Variants in LEKR1 observed in about 807,000 individuals in gnomAD.
LEKR1 encodes protein LEKR1.
LEKR1 carries 59 observed loss-of-function variants against 72.4 expected under a neutral mutation model. That is an observed-to-expected ratio of 0.82 (90% confidence interval 0.66 to 1.01). The LOEUF is 1.01. LEKR1 is among the 50% of genes least tolerant of loss of function. LEKR1 has a pLI of 0.00. For synonymous variants in LEKR1, 257 were observed against 263.2 expected (o/e 0.98, Z 0.23); for missense variants, 728 against 759.2 (o/e 0.96, Z 0.48).
intron 6 of LEKR1, among the ~76,000 whole-genome samples, chr3:156,955,812 TG>T (rs770106702): frequency 8.9e-4 from 129 of 145,648 alleles, no homozygotes; most frequent in Non-Finnish European, 1.4e-3. Context: ...GTTTTCTTTT[TG>T]TTGTTGTTGT....
chr3:156,889,231 T>A (rs1253738005), intron 3 of LEKR1, among the ~76,000 whole-genome samples: 1 of 152,030 alleles, frequency 6.6e-6, no homozygotes, highest in African/African-American at 2.4e-5. Flanking sequence ...CTTTCTAGGG[T>A]TGATAGCAAG....
At chr3:157,043,313 A>G (rs1735503280) in intron 12 of LEKR1, among the ~76,000 whole-genome samples, 1 of 152,218 alleles carries the variant, frequency 6.6e-6, no homozygotes, top group South Asian at 2.1e-4. Context: ...CACCACTTTA[A>G]TAACTCCAAC....
intron 3 of LEKR1, among the ~76,000 whole-genome samples, chr3:156,894,602 AG>A (rs1433880163): frequency 1.3e-5 from 2 of 152,220 alleles, no homozygotes; most frequent in Admixed American, 6.5e-5. Context: ...CTAAGCAAGA[AG>A]AGTAAAGCCA....
intron 6 of LEKR1, among the ~76,000 whole-genome samples, chr3:156,964,471 T>C (rs1576908979): frequency 1.3e-5 from 2 of 152,174 alleles, no homozygotes; most frequent in African/African-American, 4.8e-5. Flanking sequence ...ATTCCTTTAG[T>C]CTTAAAACTG....
chr3:157,013,295 G>A (rs1200179444), intron 10 of LEKR1, among the ~76,000 whole-genome samples: 2 of 152,022 alleles, frequency 1.3e-5, no homozygotes, highest in Non-Finnish European at 2.9e-5. Flanking sequence ...CACCCCACTA[G>A]GGGTTTTCAG....
At chr3:157,005,265 A>G (rs1165931785) in intron 9 of LEKR1, among the ~76,000 whole-genome samples, 2 of 152,138 alleles carry the variant, frequency 1.3e-5, no homozygotes, top group African/African-American at 4.8e-5. Context: ...GAAGAAATGG[A>G]TAACATGAAT....
chr3:156,886,370 T>C (rs9812895), intron 3 of LEKR1, among the ~76,000 whole-genome samples: 77,143 of 151,908 alleles, frequency 0.51, 21,270 homozygotes, highest in East Asian at 0.73. Flanking sequence ...TTTCAAACCT[T>C]GCCCCTCCCC....
intron 3 of LEKR1, among the ~76,000 whole-genome samples, chr3:156,914,195 T>A (rs7622309): frequency 6.6e-6 from 1 of 151,970 alleles, no homozygotes; most frequent in Non-Finnish European, 1.5e-5. Flanking sequence ...TTAAGTTCTG[T>A]GATACATGTG....
chr3:157,005,843 T>A (rs1732381896), intron 9 of LEKR1, among the ~76,000 whole-genome samples: 1 of 152,108 alleles, frequency 6.6e-6, no homozygotes, highest in African/African-American at 2.4e-5. Context: ...CTCAGTTACA[T>A]GAACATAAAC....
chr3:156,960,340 C>A (rs1728005823), intron 6 of LEKR1, among the ~76,000 whole-genome samples: 1 of 152,152 alleles, frequency 6.6e-6, no homozygotes, highest in Admixed American at 6.5e-5. Flanking sequence ...GACTGGAGTG[C>A]AGTGGCGCGA....
At chr3:157,001,744 G>A (rs989977795) in intron 9 of LEKR1, among the ~76,000 whole-genome samples, 1 of 152,166 alleles carries the variant, frequency 6.6e-6, no homozygotes, top group Non-Finnish European at 1.5e-5. Context: ...GCTTGAGTTA[G>A]CTTTGTCACT....
rs769453400 is a variant in LEKR1, at chr3:157,045,759, G to A, written c.*9G>A. 3 of 1,604,092 alleles carry A rather than the reference G, an allele frequency of 1.9e-6. No individual in the cohort carries two copies. The East Asian group carries it at 6.7e-5, about 36-fold the overall frequency. On this transcript the variant is annotated 3_prime_UTR_variant, in exon 13 of 13. Coordinates refer to ENST00000356539, the MANE Select transcript of LEKR1 (RefSeq NM_001004316.3). ...GGCGGAGTCAGCAATGATCCAAAAT[G>A]AGGAGCAGGAAGCTCCCTACAGCGT...
intron 3 of LEKR1, among the ~76,000 whole-genome samples, chr3:156,872,576 T>C (rs755811070): frequency 7.9e-5 from 12 of 152,102 alleles, no homozygotes; most frequent in Non-Finnish European, 4.4e-5. Flanking sequence ...TATAGGTGTT[T>C]ATTGCTAAAA....
intron 10 of LEKR1, among the ~76,000 whole-genome samples, chr3:157,012,249 C>G (rs1732948552): frequency 6.6e-6 from 1 of 152,088 alleles, no homozygotes; most frequent in East Asian, 1.9e-4. Flanking sequence ...CCAAAGCATT[C>G]CCAACTCATT....
At chr3:156,954,665 G>C (rs1727458808) in intron 6 of LEKR1, among the ~76,000 whole-genome samples, 1 of 152,056 alleles carries the variant, frequency 6.6e-6, no homozygotes, top group Admixed American at 6.6e-5. Flanking sequence ...ATCAGAGGTT[G>C]TAGGTGTGCT....
intron 11 of LEKR1, among the ~76,000 whole-genome samples, chr3:157,026,236 C>G (rs577958282): frequency 6.6e-6 from 1 of 152,202 alleles, no homozygotes; most frequent in Admixed American, 6.5e-5. Context: ...CCGAGTCTCC[C>G]CCTTTCTTCT....
At chr3:156,926,271 A>G (rs1294776916) in intron 4 of LEKR1, among the ~76,000 whole-genome samples, 1 of 152,024 alleles carries the variant, frequency 6.6e-6, no homozygotes, top group African/African-American at 2.4e-5. Context: ...AAGACAATTT[A>G]ATCACTTTCC....
At chr3:156,877,054 G>A (rs1280710627) in intron 3 of LEKR1, among the ~76,000 whole-genome samples, 1 of 152,106 alleles carries the variant, frequency 6.6e-6, no homozygotes, top group Non-Finnish European at 1.5e-5. Context: ...TTTGTCAAAT[G>A]TGTTTTCTGC....
At chr3:156,827,095 C>T (rs1331178521) in intron 1 of LEKR1, 1 of 152,458 alleles carries the variant, frequency 6.6e-6, no homozygotes, top group East Asian at 1.9e-4. Flanking sequence ...TGTTTGATAA[C>T]ACACGCAAAA....
Sources: allele counts gnomAD v4.1 joint callset (sites outside exome capture counted in the v4.1 genomes callset), GRCh38; gene constraint gnomAD v4.1.1; transcripts MANE v1.5; gene names NCBI Gene and HGNC (gene_info 2026-07-23, HGNC 2026-07-21).